Variants in HMCN1 observed in about 807,000 individuals in gnomAD.
HMCN1 encodes hemicentin 1.
A neutral mutation model predicts 625.9 loss-of-function variants in HMCN1; 321 were observed. The ratio of observed to expected loss-of-function variants is 0.51; its 90% CI spans 0.47 to 0.56. HMCN1 has a LOEUF of 0.56. Among genes scored for constraint, HMCN1 ranks in the 20% least tolerant of loss-of-function variants. HMCN1 has a pLI of 0.00. For missense variants in HMCN1, 6,588 were observed against 6,887.3 expected, an observed-to-expected ratio of 0.96 and a Z score of 1.54; for synonymous variants, 2,425 against 2,417.6, an observed-to-expected ratio of 1.00 and a Z score of -0.09.
Position 185,977,971 on chromosome 1 carries a change from CTTTATT to C in HMCN1, c.2559_2564del (p.Phe853_Ile854del). 6.2e-7 allele frequency: 1 copy of C among 1,610,216 alleles called. No homozygotes were observed. The highest frequency in any genetic ancestry group is 8.5e-7 in the Non-Finnish European group (1 of 1,176,854). On this transcript the variant is annotated inframe_deletion, in exon 16 of 107. Coordinates refer to ENST00000271588, the MANE Select transcript of HMCN1 (RefSeq NM_031935.3). ...TCAGCCAACTAAGAACAGGAGCTCTCTTTATTTTAAGTAGGTTGAAGGAAATATATT... is the reference window on the plus strand; with the variant it reads ...TCAGCCAACTAAGAACAGGAGCTCTCTTAAGTAGGTTGAAGGAAATATATT...
intron 1 of HMCN1, among the ~76,000 whole-genome samples, chr1:185,751,855 G>A: frequency 6.7e-6 from 1 of 150,360 alleles, no homozygotes; most frequent in East Asian, 2.0e-4. Context: ...CTTATTTTTT[G>A]TTTTTTATAA....
chr1:186,137,146 C>T (rs1052984584), intron 87 of HMCN1, among the ~76,000 whole-genome samples: 6 of 152,228 alleles, frequency 3.9e-5, no homozygotes, highest in African/African-American at 9.6e-5. Context: ...AATTTAAAAT[C>T]CCAAACTAGA....
rs58160762 is a variant in HMCN1 at position 186,177,303 on chromosome 1, C to CAA, written c.15944-1097_15944-1096dup. The CAA allele has an allele frequency of 5.2e-3, 639 of 123,964 alleles. 4 individuals carry two copies. The highest frequency in any genetic ancestry group is 0.025 in the South Asian group (93 of 3,712). The allele number at this position is 123,964 out of a possible 1,614,324, so 7.7% of individuals were successfully genotyped here. On this transcript the variant is annotated intron_variant, in intron 103 of 106. Transcript: ENST00000271588. ...CCTGGGCAACAGAGCAACTCCATCT[C>CAA]AAAAAAAAAAAAAAAAAGAGAGAGC... is the stretch of plus-strand genomic sequence containing the variant.
intron 5 of HMCN1, 116 bp downstream of exon 5, chr1:185,909,624 C>A: frequency 1.1e-6 from 1 of 911,814 alleles, no homozygotes; most frequent in Non-Finnish European, 1.7e-6. Context: ...TCAATAAATT[C>A]AGAAGTGGCT....
chr1:186,114,302 G>A (rs1158724831), intron 73 of HMCN1, among the ~76,000 whole-genome samples, 179 bp downstream of exon 73: 2 of 152,086 alleles, frequency 1.3e-5, no homozygotes, highest in Non-Finnish European at 2.9e-5. Flanking sequence ...TGTTGCCCAG[G>A]CTGGAGTGCA....
intron 15 of HMCN1, among the ~76,000 whole-genome samples, chr1:185,976,433 A>T (rs1301072666): frequency 6.6e-6 from 1 of 152,178 alleles, no homozygotes; most frequent in East Asian, 1.9e-4. Context: ...AAAAGCATTA[A>T]TGCTGCTTGA....
chr1:186,008,451 G>A (rs186593694), intron 30 of HMCN1, among the ~76,000 whole-genome samples: 223 of 152,196 alleles, frequency 1.5e-3, no homozygotes, highest in Non-Finnish European at 1.9e-3. Context: ...AAAGTAAAAT[G>A]TATTATTAGA....
At position 186,070,697 on chromosome 1, in the gene HMCN1, C is replaced by T. The variant is rs1459278529; in HGVS notation, c.8079C>T (p.Thr2693=). ...EVKIKVNNTL[T]LECEAYAIPS... ...AGATCAAAGTAAACAACACTCTGAC[C>T]TTGGAATGTGAAGCGTATGCAATTC... The change falls in exon 52 of 107, where the codon ACC becomes ACT. Residue 2693 remains threonine, a synonymous_variant. Transcript: ENST00000271588. 1.2e-6 allele frequency: 2 copies of T among 1,613,820 alleles called. No homozygotes were observed. Among genetic ancestry groups the T allele is most frequent in the Non-Finnish European group, 1.7e-6 (2 of 1,179,794 alleles).
chr1:185,864,663 A>C, intron 3 of HMCN1, 35 bp downstream of exon 3: 1 of 1,605,284 alleles, frequency 6.2e-7, no homozygotes. Flanking sequence ...TCTCTGTCTA[A>C]ATGCAGTATG....
At chr1:186,024,513 G>A (rs2102171370) in intron 36 of HMCN1, among the ~76,000 whole-genome samples, 1 of 152,260 alleles carries the variant, frequency 6.6e-6, no homozygotes, top group Non-Finnish European at 1.5e-5. Context: ...CTGGCTAAGA[G>A]GAAACAGTGA....
chr1:185,838,578 G>T (rs554649648), intron 1 of HMCN1, among the ~76,000 whole-genome samples: 1 of 152,250 alleles, frequency 6.6e-6, no homozygotes, highest in East Asian at 1.9e-4. Context: ...ATCTTGTGGT[G>T]GTGGGAGGTG....
At chr1:185,814,999 G>T (rs1478017374) in intron 1 of HMCN1, among the ~76,000 whole-genome samples, 1 of 149,954 alleles carries the variant, frequency 6.7e-6, no homozygotes, top group Non-Finnish European at 1.5e-5. Flanking sequence ...TTTTGTATAA[G>T]TAGAATAATT....
At position 185,737,208 on chromosome 1, in the gene HMCN1, G is replaced by A. The variant is rs147311572; in HGVS notation, c.268+2161G>A. Among the ~76,000 whole-genome samples, 41 of 151,546 alleles carry A rather than the reference G, an allele frequency of 2.7e-4. No individual in the cohort carries two copies. The East Asian group carries it at 6.8e-3, about 25-fold the overall frequency. On this transcript the variant is annotated intron_variant, in intron 1 of 106. Transcript: ENST00000271588. ...CTCACTCTGGCACCCAGGCTGGAGT[G>A]CAGTAGCACTATCATGGCTCACTGC...
intron 2 of HMCN1, among the ~76,000 whole-genome samples, chr1:185,846,371 C>T (rs1448447765): frequency 6.6e-6 from 1 of 152,116 alleles, no homozygotes; most frequent in Non-Finnish European, 1.5e-5. Context: ...AGATTGGTCC[C>T]TTTAAGGAAA....
In HMCN1 at chr1:185,925,097, C is replaced by T; in HGVS notation, c.1336C>T (p.Pro446Ser). ...PEKTPGYYLQ[P>S]GQIPCSVDSL... ...GAAAACCCCAGGATACTATCTGCAG[C>T]CGGGCCAAATTCCCTGCTCTGTTGA... is the stretch of plus-strand genomic sequence containing the variant. The change falls in exon 9 of 107, where the codon CCG becomes TCG. Residue 446 changes from proline (P) to serine (S), a missense_variant. Transcript: ENST00000271588. 1 of 1,613,902 alleles carries T rather than the reference C, an allele frequency of 6.2e-7. No homozygotes were observed. Among genetic ancestry groups the T allele is most frequent in the Non-Finnish European group, 8.5e-7 (1 of 1,179,842 alleles).
Position 186,088,639 on chromosome 1 carries a change from C to A in HMCN1, c.9611C>A (p.Ser3204Tyr). The A allele has an allele frequency of 6.2e-7, 1 of 1,611,964 alleles. No individual in the cohort carries two copies. Among genetic ancestry groups the A allele is most frequent in the South Asian group, 1.1e-5 (1 of 90,982 alleles). Residue 3204 changes from serine to tyrosine, a missense_variant, in exon 63 of 107, where the codon TCT becomes TAT. This residue lies in a region of HMCN1 where 4,628 missense variants were observed against 4,853.1 expected (regional missense o/e 0.95). Coordinates refer to ENST00000271588, the MANE Select transcript of HMCN1 (RefSeq NM_031935.3). The part of the protein sequence containing the change: ...NSDSLEVRIL[S>Y]GGSKLQIARS... ...GACTCACTGGAAGTTCGTATTTTGT[C>A]TGGAGGTAGCAAACTCCAGATTGCC...
intron 2 of HMCN1, among the ~76,000 whole-genome samples, chr1:185,855,814 C>T (rs566379613): frequency 3.3e-5 from 5 of 152,148 alleles, no homozygotes; most frequent in Non-Finnish European, 1.5e-5. Context: ...GAATTGTGGT[C>T]AGCAGTTCTT....
chr1:185,891,806 G>A (rs900577116), intron 4 of HMCN1, among the ~76,000 whole-genome samples: 2 of 147,518 alleles, frequency 1.4e-5, no homozygotes, highest in African/African-American at 5.4e-5. Context: ...TGCTCTTCTC[G>A]AGGAGTATCT....
At chr1:186,136,528 C>A in intron 86 of HMCN1, 140 bp from the exon 87 acceptor site, 1 of 754,908 alleles carries the variant, frequency 1.3e-6, no homozygotes, top group South Asian at 1.6e-5. Flanking sequence ...CAATTATAAT[C>A]TATAATCTTA....
Sources: gnomAD v4.1 joint callset for allele counts (sites outside exome capture counted in the v4.1 genomes callset) on GRCh38, gnomAD v4.1.1 for gene constraint, gnomAD v4.1.1 regional missense constraint, MANE v1.5 for transcripts, NCBI Gene and HGNC (gene_info 2026-07-23, HGNC 2026-07-21) for gene names.